MCFD2: variants seen among roughly 807,000 people sequenced by gnomAD.
MCFD2 encodes multiple coagulation factor deficiency 2, ER cargo receptor complex subunit.
MCFD2 carries 11 observed loss-of-function variants against 12.8 expected under a neutral mutation model. That is an observed-to-expected ratio of 0.86 (90% CI 0.54 to 1.42). The LOEUF (loss-of-function observed/expected upper bound fraction) is 1.42. Ranked by LOEUF, MCFD2 falls within the 40% of genes most tolerant of loss-of-function variation. The pLI is 0.00. For synonymous variants in MCFD2, 70 were observed against 68.1 expected, an observed-to-expected ratio of 1.03 and a Z score of -0.14; for missense variants, 191 against 178.6, an observed-to-expected ratio of 1.07 and a Z score of -0.40.
In MCFD2 at chr2:46,940,775, C is replaced by G. The variant is rs1264504415; in HGVS notation, c.-8+797G>C. ...CCTGGGTCCTCGCGAGCATGCCTGG[C>G]CCGCATCGCAACAGGGCGGGGCGGA... is the stretch of plus-strand genomic sequence containing the variant. On this transcript the variant is annotated intron_variant, in intron 1 of 2. Coordinates refer to the MCFD2 transcript ENST00000409147. This position sits in a 1 kb window ranked among gnomAD's most constrained non-coding sequence, Gnocchi z 4.7. 1.3e-5 allele frequency among the ~76,000 whole-genome samples: 2 copies of G among 152,218 alleles called. No individual in the cohort carries two copies. Among genetic ancestry groups the G allele is most frequent in the Non-Finnish European group, 2.9e-5 (2 of 68,032 alleles).
At position 46,940,705 on chromosome 2, in the gene MCFD2, C is replaced by G. The variant is rs1014468574; in HGVS notation, c.-8+867G>C. Among the ~76,000 whole-genome samples, 1 of 152,238 alleles carries G rather than the reference C, an allele frequency of 6.6e-6. No individual in the cohort carries two copies. The highest frequency in any genetic ancestry group is 2.4e-5 in the African/African-American group (1 of 41,470). ...CCGCTAAAATAAGAAAATACAAATG[C>G]TCCCAGCAGAGGGGCGTCCAGAGAG... On this transcript the variant is annotated intron_variant, in intron 1 of 2. Transcript: ENST00000409147. The surrounding 1 kb of genome is among the most constrained non-coding windows in gnomAD (Gnocchi z 4.7).
chr2:46,940,961 G>C lies in MCFD2; in HGVS notation c.-8+611C>G, dbSNP rs1285872963. Reference sequence around the variant, plus strand: ...TCTCCCAGGCTAAGAGCCCCGATGGGATGGGGAGGGGGCGGGAAGCGAGGC... The same window carrying C: ...TCTCCCAGGCTAAGAGCCCCGATGGCATGGGGAGGGGGCGGGAAGCGAGGC... On this transcript the variant is annotated intron_variant, in intron 1 of 2. Transcript: ENST00000409147. This position sits in a 1 kb window ranked among gnomAD's most constrained non-coding sequence, Gnocchi z 4.7. Among the ~76,000 whole-genome samples, 1 of 152,276 alleles carries C rather than the reference G, an allele frequency of 6.6e-6. No homozygotes were observed. The highest frequency in any genetic ancestry group is 3.4e-3 in the Middle Eastern group (1 of 294).
chr2:46,941,420 G>T lies in MCFD2; in HGVS notation c.-8+152C>A. 2 of 1,069,948 alleles carry T rather than the reference G, an allele frequency of 1.9e-6. No homozygotes were observed. The highest frequency in any genetic ancestry group is 8.8e-5 in the South Asian group (2 of 22,670). 66.3% of individuals were successfully genotyped at this position (1,069,948 alleles called of 1,614,324 possible). A position where few individuals can be genotyped will look rare whatever the true frequency, so the allele number is the denominator to read the frequency against. ...GCCGCCCGGGCCCCCGCTGCCGCCCGGGCCCCGGCTGCCGTCTGCGCCCCC... is the reference window on the plus strand; with the variant it reads ...GCCGCCCGGGCCCCCGCTGCCGCCCTGGCCCCGGCTGCCGTCTGCGCCCCC... On this transcript the variant is annotated intron_variant, in intron 1 of 2. Transcript: ENST00000409147. This position sits in a 1 kb window ranked among gnomAD's most constrained non-coding sequence, Gnocchi z 4.2.
intron 1 of MCFD2, 83 bp from the exon 2 acceptor site, chr2:46,909,260 G>C (rs1668383009): frequency 4.1e-6 from 6 of 1,449,970 alleles, no homozygotes; most frequent in Middle Eastern, 1.7e-4. Context: ...ATGATCCTGG[G>C]AAACCTGATG....
rs991502878 is a variant in MCFD2 at position 46,904,554 on chromosome 2, C to T, written c.*909G>A. On this transcript the variant is annotated 3_prime_UTR_variant, in exon 4 of 4. Transcript: ENST00000319466. The stretch of plus-strand genomic sequence containing the variant: ...GGAGTCAAAGGAGATTATTCTGGAA[C>T]TTTAAAATTTGACAGCCCTGCTGGA... 4 of 152,232 alleles carry T rather than the reference C, an allele frequency of 2.6e-5. No homozygotes were observed. The highest frequency in any genetic ancestry group is 9.6e-5 in the African/African-American group (4 of 41,452). The allele number at this position is 152,232 out of a possible 1,614,324, so 9.4% of individuals were successfully genotyped here.
chr2:46,929,362 C>T (rs1669572925), intron 1 of MCFD2, among the ~76,000 whole-genome samples: 1 of 152,048 alleles, frequency 6.6e-6, no homozygotes, highest in Non-Finnish European at 1.5e-5. Flanking sequence ...TGGTACACAC[C>T]TGTAGTTCTA....
rs541040441 is a variant in MCFD2, at chr2:46,912,763, G to A, written c.-7+2960C>T. 4 of 152,316 alleles carry A rather than the reference G, an allele frequency of 2.6e-5. No homozygotes were observed. The East Asian group carries it at 7.7e-4, about 29-fold the overall frequency. The allele number at this position is 152,316 out of a possible 1,614,324, so 9.4% of individuals were successfully genotyped here. Reference sequence around the variant, plus strand: ...GCCCCTTGCTGGATGGGCTTTAAGAGGACTTGGACTGAATCCACATTCCCA... The same window carrying A: ...GCCCCTTGCTGGATGGGCTTTAAGAAGACTTGGACTGAATCCACATTCCCA... On this transcript the variant is annotated intron_variant, in intron 1 of 3. Coordinates refer to ENST00000319466, the MANE Select transcript of MCFD2 (RefSeq NM_139279.6).
At chr2:46,924,032 G>A (rs1016263138) in intron 1 of MCFD2, among the ~76,000 whole-genome samples, 2 of 151,678 alleles carry the variant, frequency 1.3e-5, no homozygotes, top group Admixed American at 6.6e-5. Flanking sequence ...CACTGTGCCC[G>A]GCCTATAGAA....
intron 1 of MCFD2, among the ~76,000 whole-genome samples, chr2:46,914,460 C>T (rs1668615276): frequency 6.6e-6 from 1 of 152,160 alleles, no homozygotes; most frequent in African/African-American, 2.4e-5. Context: ...TAACCAACTT[C>T]CTAAGCTAAA....
intron 1 of MCFD2, among the ~76,000 whole-genome samples, chr2:46,928,364 A>G (rs75096932): frequency 0.012 from 1,776 of 151,874 alleles, 40 homozygotes; most frequent in African/African-American, 0.04. Flanking sequence ...TCCTCCACAC[A>G]GTATCACAAG....
At position 46,932,952 on chromosome 2, in the gene MCFD2, C is replaced by T. The variant is rs1169442175; in HGVS notation, c.-8+8620G>A. ...CAAAGATATATTTTAAGGCTCAAAA[C>T]TGCTATAATCTCTGAGTGGCCAGAC... is the stretch of plus-strand genomic sequence containing the variant. On this transcript the variant is annotated intron_variant, in intron 1 of 2. Transcript: ENST00000409147. Among the ~76,000 whole-genome samples the T allele has an allele frequency of 4.6e-5, 7 of 150,666 alleles. 1 individual carries two copies. The highest frequency in any genetic ancestry group is 1.7e-4 in the African/African-American group (7 of 40,950).
chr2:46,902,169 T>G lies in MCFD2; in HGVS notation c.*3294A>C, dbSNP rs1668041341. 6.5e-6 allele frequency: 1 copy of G among 152,682 alleles called. No individual in the cohort carries two copies. The allele number at this position is 152,682 out of a possible 1,614,324, so 9.5% of individuals were successfully genotyped here. On this transcript the variant is annotated 3_prime_UTR_variant, in exon 4 of 4. Transcript: ENST00000319466. ...AATAAACCAAATTACAATCTGCTGC[T>G]TCTTCTCATTTTCAAATACTATAAA...
intron 3 of MCFD2, 22 bp from the exon 4 acceptor site, chr2:46,905,616 A>G (rs1368619864): frequency 2.5e-6 from 4 of 1,606,000 alleles, no homozygotes; most frequent in East Asian, 2.2e-5. Flanking sequence ...AAATTAGACA[A>G]TGATGAGTTG....
chr2:46,927,140 G>A (rs1207242916), intron 1 of MCFD2, among the ~76,000 whole-genome samples: 1 of 152,072 alleles, frequency 6.6e-6, no homozygotes, highest in East Asian at 1.9e-4. Context: ...TATGTAGTTG[G>A]AGTCACAGGA....
intron 1 of MCFD2, among the ~76,000 whole-genome samples, chr2:46,932,372 C>G (rs1213669397): frequency 6.6e-6 from 1 of 152,140 alleles, no homozygotes; most frequent in Admixed American, 6.5e-5. Flanking sequence ...TGGTCTCAAA[C>G]TCTTGACCTC....
Position 46,909,000 on chromosome 2 carries a change from C to A in MCFD2, c.149+23G>T, listed in dbSNP as rs757110415. ...GCAGATGATGGGGAGGCCACTGGAC[C>A]ACAGCCCGGGCTGAATACGTACTCT... On this transcript the variant is annotated intron_variant, in intron 2 of 3. Transcript: ENST00000319466. This position sits in a 1 kb window ranked among gnomAD's most constrained non-coding sequence, Gnocchi z 4.5. 1 of 1,614,084 alleles carries A rather than the reference C, an allele frequency of 6.2e-7. No homozygotes were observed. The highest frequency in any genetic ancestry group is 1.1e-5 in the South Asian group (1 of 91,070).
chr2:46,904,032 G>C lies in MCFD2; in HGVS notation c.*1431C>G, dbSNP rs1199988653. On this transcript the variant is annotated 3_prime_UTR_variant, in exon 4 of 4. Transcript: ENST00000319466. ...AGCCACTCCAGCCATGGCTGAAAGG[G>C]GCCAACATACAGCTCGGGCTGTGGC... 1 of 152,268 alleles carries C rather than the reference G, an allele frequency of 6.6e-6. No individual in the cohort carries two copies. The highest frequency in any genetic ancestry group is 1.5e-5 in the Non-Finnish European group (1 of 68,104). The allele number at this position is 152,268 out of a possible 1,614,324, so 9.4% of individuals were successfully genotyped here.
intron 1 of MCFD2, among the ~76,000 whole-genome samples, chr2:46,926,279 C>CT (rs1491410991): frequency 6.6e-6 from 1 of 152,206 alleles, no homozygotes; most frequent in East Asian, 1.9e-4. Flanking sequence ...GTTCCACACA[C>CT]TGAGTATATG....
chr2:46,911,004 G>C (rs113123691), intron 1 of MCFD2: 4,185 of 152,328 alleles, frequency 0.027, 112 homozygotes, highest in African/African-American at 0.067. Context: ...CTGGGTAACA[G>C]AGTGAGACCC....
Sources: gnomAD v4.1 joint callset for allele counts (sites outside exome capture counted in the v4.1 genomes callset) on GRCh38, gnomAD v4.1.1 for gene constraint, Gnocchi (gnomAD v3.1) non-coding constraint, MANE v1.5 for transcripts, NCBI Gene and HGNC (gene_info 2026-07-23, HGNC 2026-07-21) for gene names.